Variants in RASGRF2 observed in about 807,000 individuals in gnomAD.
RASGRF2 encodes the protein ras-specific guanine nucleotide-releasing factor 2.
A neutral mutation model predicts 151.0 loss-of-function variants in RASGRF2; 76 were observed. The ratio of observed to expected loss-of-function variants is 0.50; its 90% CI spans 0.42 to 0.61. The LOEUF is 0.61. RASGRF2 is among the 20% of genes least tolerant of loss of function. The pLI is 0.00. For missense variants in RASGRF2, 1,148 were observed against 1,564.6 expected (o/e 0.73, Z 4.49); for synonymous variants, 504 against 566.5 (o/e 0.89, Z 1.57).
chr5:81,185,863 C>T (rs552241546), intron 18 of RASGRF2, among the ~76,000 whole-genome samples: 1 of 152,264 alleles, frequency 6.6e-6, no homozygotes, highest in South Asian at 2.1e-4. Context: ...GTTGAAATGA[C>T]ACCATTCTTA....
chr5:81,094,275 G>GA, intron 10 of RASGRF2, 21 bp from the exon 11 acceptor site: 2 of 1,606,528 alleles, frequency 1.2e-6, no homozygotes, highest in South Asian at 1.1e-5. Flanking sequence ...GCGTCTTAGT[G>GA]AAAAATTGGT....
intron 19 of RASGRF2, among the ~76,000 whole-genome samples, chr5:81,202,818 G>T (rs1220370598): frequency 6.6e-6 from 1 of 152,236 alleles, no homozygotes; most frequent in Non-Finnish European, 1.5e-5. Flanking sequence ...GAGTTATGCA[G>T]CTGCAAGCCA....
rs571727875 is a variant in RASGRF2 at position 81,162,899 on chromosome 5, G to T, written c.2687-17276G>T. On this transcript the variant is annotated intron_variant, in intron 17 of 26. Transcript: ENST00000265080. ...GAAATTGGGTATATAAGAAAGAAGG[G>T]CTGGAGGAGTAGGCTCCAGGCTGGG... Among the ~76,000 whole-genome samples the T allele has an allele frequency of 3.5e-4, 53 of 152,216 alleles. 1 individual carries two copies. Among genetic ancestry groups the T allele is most frequent in the African/African-American group, 1.3e-3 (52 of 41,548 alleles).
chr5:81,144,535 T>C (rs1259483975), intron 17 of RASGRF2, among the ~76,000 whole-genome samples: 1 of 152,194 alleles, frequency 6.6e-6, no homozygotes, highest in Non-Finnish European at 1.5e-5. Flanking sequence ...CAGTTATGGG[T>C]CATTTTTATA....
At chr5:81,026,311 T>A (rs530022110) in intron 1 of RASGRF2, among the ~76,000 whole-genome samples, 129 of 152,054 alleles carry the variant, frequency 8.5e-4, no homozygotes, top group African/African-American at 2.7e-3. Context: ...TGAAGGAGAC[T>A]TTCTTTCTAT....
intron 18 of RASGRF2, among the ~76,000 whole-genome samples, chr5:81,184,410 C>T (rs1199654229): frequency 6.6e-6 from 1 of 152,208 alleles, no homozygotes; most frequent in Non-Finnish European, 1.5e-5. Flanking sequence ...GATCTGTGCA[C>T]AAGACTCTGT....
At chr5:81,011,839 A>G (rs369760166) in intron 1 of RASGRF2, among the ~76,000 whole-genome samples, 1 of 151,846 alleles carries the variant, frequency 6.6e-6, no homozygotes, top group East Asian at 1.9e-4. Context: ...TGCTTTCAGT[A>G]TTTTTCTTTA....
intron 2 of RASGRF2, among the ~76,000 whole-genome samples, chr5:81,063,896 A>G (rs1751517158): frequency 6.6e-6 from 1 of 152,086 alleles, no homozygotes; most frequent in South Asian, 2.1e-4. Flanking sequence ...TTCTGTAGGT[A>G]GTAAGTACCT....
At chr5:81,067,952 A>G in intron 2 of RASGRF2, 80 bp from the exon 3 acceptor site, 4 of 1,211,284 alleles carry the variant, frequency 3.3e-6, no homozygotes, top group South Asian at 2.8e-5. Flanking sequence ...TCTTTTTCAA[A>G]TGTAGCATAT....
chr5:81,070,406 A>G, intron 3 of RASGRF2, 86 bp from the exon 4 acceptor site: 1 of 1,120,084 alleles, frequency 8.9e-7, no homozygotes, highest in Non-Finnish European at 1.4e-6. Context: ...ATCTCATTGG[A>G]CCACCTTTGT....
chr5:81,044,841 TA>T (rs1750787706), intron 2 of RASGRF2, among the ~76,000 whole-genome samples: 1 of 152,168 alleles, frequency 6.6e-6, no homozygotes, highest in Admixed American at 6.5e-5. Context: ...TTTCTTGTTC[TA>T]TTTTTTTTTT....
rs1401665345 is a variant in RASGRF2, at chr5:81,198,155, G to C, written c.2794-3175G>C. 3.3e-5 allele frequency among the ~76,000 whole-genome samples: 5 copies of C among 151,480 alleles called. No homozygotes were observed. The East Asian group carries it at 9.7e-4, about 29-fold the overall frequency. On this transcript the variant is annotated intron_variant, in intron 18 of 26. Transcript: ENST00000265080. Reference sequence around the variant, plus strand: ...TTAATTGCATTTTTATTTTAGTTCAGGGGATACATGTGCAGGTTTTGTGTG... The same window carrying C: ...TTAATTGCATTTTTATTTTAGTTCACGGGATACATGTGCAGGTTTTGTGTG...
Position 81,127,173 on chromosome 5 carries a change from G to A in RASGRF2, c.2686+10G>A, listed in dbSNP as rs1294202726. The A allele has an allele frequency of 6.2e-7, 1 of 1,610,696 alleles. No individual in the cohort carries two copies. The highest frequency in any genetic ancestry group is 1.1e-5 in the South Asian group (1 of 90,968). On this transcript the variant is annotated intron_variant, in intron 17 of 26. Coordinates refer to ENST00000265080, the MANE Select transcript of RASGRF2 (RefSeq NM_006909.3). The stretch of plus-strand genomic sequence containing the variant: ...CATGGGAGTCCACCAGGTGAGTAGG[G>A]GAGCAGCTATGTACAGATATGTGAC...
At chr5:81,068,375 T>TATCAGGATA (rs1281486115) in intron 3 of RASGRF2, among the ~76,000 whole-genome samples, 196 bp downstream of exon 3, 26 of 144,082 alleles carry the variant, frequency 1.8e-4, no homozygotes, top group South Asian at 6.8e-4. Flanking sequence ...TACAGGAACA[T>TATCAGGATA]ATCAGGATAA....
intron 1 of RASGRF2, among the ~76,000 whole-genome samples, chr5:80,981,281 C>T (rs908488367): frequency 1.3e-5 from 2 of 152,102 alleles, no homozygotes. Context: ...CTCTACAATT[C>T]CATAAATGCT....
Position 81,092,954 on chromosome 5 carries a change from T to G in RASGRF2, c.1544T>G (p.Leu515Arg), listed in dbSNP as rs1413397805. ...AGAAGTTCAGGAGGGAAGCTTCATCTGCTCAAGGTACTGGTTTTCCATAAC... is the reference window on the plus strand; with the variant it reads ...AGAAGTTCAGGAGGGAAGCTTCATCGGCTCAAGGTACTGGTTTTCCATAAC... Reference protein sequence around the residue: ...CTRSSGGKLHLLKTGGVLSLI... With the variant: ...CTRSSGGKLHRLKTGGVLSLI... Residue 515 changes from leucine to arginine, a missense_variant, in exon 10 of 27, where the codon CTG (leucine) becomes CGG (arginine). Physicochemically the swap from Leu to Arg is moderately radical, Grantham distance 102. Around this residue, in one of 5 missense-constraint regions of RASGRF2, gnomAD observed 646 missense variants for 807.4 expected, o/e 0.80. Transcript: ENST00000265080. 1 of 1,610,232 alleles carries G rather than the reference T, an allele frequency of 6.2e-7. No homozygotes were observed. The highest frequency in any genetic ancestry group is 8.5e-7 in the Non-Finnish European group (1 of 1,177,704).
intron 1 of RASGRF2, among the ~76,000 whole-genome samples, chr5:81,023,825 G>A (rs183448687): frequency 7.2e-5 from 11 of 152,266 alleles, no homozygotes; most frequent in African/African-American, 2.4e-4. Flanking sequence ...TGGGCATTTG[G>A]GTTTGGATGG....
At chr5:81,179,534 TGGG>T (rs1754863864) in intron 17 of RASGRF2, among the ~76,000 whole-genome samples, 1 of 152,214 alleles carries the variant, frequency 6.6e-6, no homozygotes, top group Admixed American at 6.5e-5. Flanking sequence ...TATATTCTTA[TGGG>T]GTACAATGTG....
intron 17 of RASGRF2, among the ~76,000 whole-genome samples, chr5:81,154,882 C>G (rs1171774984): frequency 6.6e-6 from 1 of 152,092 alleles, no homozygotes; most frequent in Non-Finnish European, 1.5e-5. Context: ...AATGGCTGTA[C>G]TAATTTACCT....
Sources: allele counts gnomAD v4.1 joint callset (sites outside exome capture counted in the v4.1 genomes callset), GRCh38; gene constraint gnomAD v4.1.1; regional missense constraint gnomAD v4.1.1; transcripts MANE v1.5; gene names NCBI Gene and HGNC (gene_info 2026-07-23, HGNC 2026-07-21).